Variants in ATXN1 observed in about 807,000 individuals in gnomAD.
ATXN1 encodes the protein ataxin 1.
Under a neutral mutation model 56.4 loss-of-function variants are expected in ATXN1, and 8 were observed. The ratio of observed to expected loss-of-function variants is 0.14; its 90% CI spans 0.08 to 0.26. The LOEUF is 0.26. Among genes scored for constraint, ATXN1 ranks in the 10% least tolerant of loss-of-function variants. ATXN1 has a pLI of 1.00. For missense variants in ATXN1, 987 were observed against 1,106.5 expected, an observed-to-expected ratio of 0.89 and a Z score of 1.53; for synonymous variants, 514 against 494.6, an observed-to-expected ratio of 1.04 and a Z score of -0.52.
chr6:16,748,963 A>C (rs986972638), intron 2 of ATXN1, among the ~76,000 whole-genome samples: 1 of 152,244 alleles, frequency 6.6e-6, no homozygotes, highest in Non-Finnish European at 1.5e-5. Flanking sequence ...TACATCAGGA[A>C]GTCTTAGACT....
chr6:16,624,343 C>T (rs1332843434), intron 3 of ATXN1, among the ~76,000 whole-genome samples: 1 of 117,992 alleles, frequency 8.5e-6, no homozygotes, highest in Non-Finnish European at 1.6e-5. Flanking sequence ...GAGAGCGAGA[C>T]TTTGTCTCAA....
chr6:16,613,765 G>A (rs1369547105), intron 3 of ATXN1, among the ~76,000 whole-genome samples: 3 of 152,046 alleles, frequency 2.0e-5, no homozygotes, highest in African/African-American at 7.2e-5. Flanking sequence ...GGGGTTCAAG[G>A]TTGCAGTGAG....
At chr6:16,704,560 C>G (rs967284650) in intron 2 of ATXN1, among the ~76,000 whole-genome samples, 4 of 152,220 alleles carry the variant, frequency 2.6e-5, no homozygotes, top group African/African-American at 9.6e-5. Context: ...TTCCCCAGCA[C>G]TTGAAAATCT....
At chr6:16,359,255 G>A (rs993179783) in intron 6 of ATXN1, among the ~76,000 whole-genome samples, 7 of 152,144 alleles carry the variant, frequency 4.6e-5, no homozygotes, top group African/African-American at 4.8e-5. Flanking sequence ...GCTGGGGGCC[G>A]GGCTGCCAGT....
At chr6:16,427,174 CTTT>C (rs1231708606) in intron 6 of ATXN1, among the ~76,000 whole-genome samples, 1 of 152,138 alleles carries the variant, frequency 6.6e-6, no homozygotes, top group Non-Finnish European at 1.5e-5. Flanking sequence ...TCGAATTGTT[CTTT>C]TAAGGTTAAG....
chr6:16,541,772 T>G (rs1473401277), intron 4 of ATXN1, among the ~76,000 whole-genome samples: 4 of 152,108 alleles, frequency 2.6e-5, no homozygotes, highest in Admixed American at 2.6e-4. Flanking sequence ...TCTAAGAGCT[T>G]TCAGTCCAGT....
intron 5 of ATXN1, among the ~76,000 whole-genome samples, chr6:16,521,841 A>G (rs1761297017): frequency 6.6e-6 from 1 of 152,210 alleles, no homozygotes; most frequent in South Asian, 2.1e-4. Context: ...GCTTTCTCAG[A>G]TGACATCCAT....
intron 2 of ATXN1, among the ~76,000 whole-genome samples, chr6:16,691,627 C>T (rs1759048715): frequency 6.6e-6 from 1 of 152,026 alleles, no homozygotes; most frequent in Non-Finnish European, 1.5e-5. Flanking sequence ...GTCAAGAAAA[C>T]ATGTTAAAGG....
chr6:16,739,058 A>C (rs1157937911), intron 2 of ATXN1: 2 of 151,810 alleles, frequency 1.3e-5, no homozygotes, highest in Non-Finnish European at 2.9e-5. Context: ...TATATTTGTC[A>C]GCTTCTGTTT....
At chr6:16,600,600 G>A (rs531505839) in intron 3 of ATXN1, among the ~76,000 whole-genome samples, 17 of 152,248 alleles carry the variant, frequency 1.1e-4, no homozygotes, top group African/African-American at 3.4e-4. Flanking sequence ...TTCAAGATTC[G>A]TGAGGATTTG....
intron 4 of ATXN1, among the ~76,000 whole-genome samples, chr6:16,575,694 G>A (rs1014266257): frequency 5.9e-5 from 9 of 152,274 alleles, no homozygotes; most frequent in South Asian, 2.1e-4. Context: ...TCCTCTGTCC[G>A]AGTGGTTTAC....
At chr6:16,568,323 A>G (rs940994103) in intron 4 of ATXN1, among the ~76,000 whole-genome samples, 1 of 152,242 alleles carries the variant, frequency 6.6e-6, no homozygotes, top group Non-Finnish European at 1.5e-5. Flanking sequence ...ACGAAGGCAG[A>G]GAGAAGTACA....
At chr6:16,610,919 T>A (rs771071159) in intron 3 of ATXN1, among the ~76,000 whole-genome samples, 14 of 150,698 alleles carry the variant, frequency 9.3e-5, no homozygotes, top group Non-Finnish European at 2.1e-4. Context: ...TAGTCCCAGC[T>A]ACTTAGGAGG....
At position 16,566,546 on chromosome 6, in the gene ATXN1, AAAAC is replaced by A. The variant is rs531564016; in HGVS notation, c.-361+19230_-361+19233del. On this transcript the variant is annotated intron_variant, in intron 4 of 7. Transcript: ENST00000436367. ...CATCTCACCATGCCTGGCCAATTAA[AAAAC>A]AAACAAACAAACAAACAAACAGGCT... Among the ~76,000 whole-genome samples, 1,033 of 152,050 alleles carry A rather than the reference AAAAC, an allele frequency of 6.8e-3. 4 individuals carry two copies. The highest frequency in any genetic ancestry group is 0.01 in the Non-Finnish European group (694 of 67,956).
At position 16,493,345 on chromosome 6, in the gene ATXN1, T is replaced by A. The variant is rs78454991; in HGVS notation, c.-298-7236A>T. ...CCTCTCTGAGAGCCCGCATTTCTAC[T>A]CCACGTGTCAAAATGTAAGCCAGAC... On this transcript the variant is annotated intron_variant, in intron 5 of 7. Transcript: ENST00000436367. 1.2e-3 allele frequency among the ~76,000 whole-genome samples: 188 copies of A among 152,022 alleles called. 1 individual carries two copies. The East Asian group carries it at 0.034, about 28-fold the overall frequency.
rs143247068 is a variant in ATXN1, at chr6:16,566,993, C to G, written c.-361+18787G>C. On this transcript the variant is annotated intron_variant, in intron 4 of 7. Coordinates refer to ENST00000436367, the MANE Select transcript of ATXN1 (RefSeq NM_001128164.2). The stretch of plus-strand genomic sequence containing the variant: ...TTGGCATTCAATGCTCAGTAACAAC[C>G]TGAGCATATTTAATTATAATGCCTC... Among the ~76,000 whole-genome samples the G allele has an allele frequency of 1.5e-3, 234 of 152,332 alleles. 1 individual carries two copies. Among genetic ancestry groups the G allele is most frequent in the African/African-American group, 5.4e-3 (224 of 41,578 alleles).
intron 2 of ATXN1, among the ~76,000 whole-genome samples, chr6:16,740,790 C>T (rs1323479305): frequency 6.6e-6 from 1 of 152,200 alleles, no homozygotes; most frequent in Non-Finnish European, 1.5e-5. Flanking sequence ...GCCTTGGCCT[C>T]CCAAAGCACT....
At position 16,653,907 on chromosome 6, in the gene ATXN1, A is replaced by G. The variant is rs61295131; in HGVS notation, c.-489+3869T>C. ...CCTGGACCCTTTGCTGTGGGAGAGG[A>G]GGCAAAGAGGAGGATGCACAATTAT... On this transcript the variant is annotated intron_variant, in intron 3 of 7. Coordinates refer to ENST00000436367, the MANE Select transcript of ATXN1 (RefSeq NM_001128164.2). Among the ~76,000 whole-genome samples, 1,325 of 152,230 alleles carry G rather than the reference A, an allele frequency of 8.7e-3. 19 individuals are homozygous for G. Among genetic ancestry groups the G allele is most frequent in the African/African-American group, 0.03 (1,258 of 41,498 alleles).
intron 6 of ATXN1, among the ~76,000 whole-genome samples, chr6:16,411,323 T>C (rs1758795316): frequency 6.6e-5 from 10 of 152,078 alleles, no homozygotes; most frequent in Admixed American, 6.6e-4. Context: ...GCTATCTCTA[T>C]TTACTACTAC....
Sources: allele counts gnomAD v4.1 joint callset (sites outside exome capture counted in the v4.1 genomes callset), GRCh38; gene constraint gnomAD v4.1.1; transcripts MANE v1.5; gene names NCBI Gene and HGNC (gene_info 2026-07-23, HGNC 2026-07-21).